The following BCAT1 variants were observed in gnomAD, a reference collection of about 807,000 sequenced individuals.
BCAT1 encodes branched chain amino acid transaminase 1.
BCAT1 carries 48 observed loss-of-function variants against 52.4 expected under a neutral mutation model. The ratio of observed to expected loss-of-function variants is 0.92; its 90% CI spans 0.73 to 1.16. The LOEUF (loss-of-function observed/expected upper bound fraction) is 1.16. Among genes scored for constraint, BCAT1 ranks in the 50% most tolerant of loss-of-function variants. The pLI is 0.00. For missense variants in BCAT1, 451 were observed against 457.1 expected (o/e 0.99, Z 0.12); for synonymous variants, 167 against 161.3 (o/e 1.04, Z -0.27).
intron 1 of BCAT1, among the ~76,000 whole-genome samples, chr12:24,937,460 G>A (rs1943777540): frequency 6.6e-6 from 1 of 152,198 alleles, no homozygotes; most frequent in South Asian, 2.1e-4. Context: ...ATAACAGGAA[G>A]AGGTTGAAGA....
intron 1 of BCAT1, among the ~76,000 whole-genome samples, chr12:24,940,384 A>G (rs2139759943): frequency 6.6e-6 from 1 of 152,314 alleles, no homozygotes; most frequent in East Asian, 1.9e-4. Flanking sequence ...AAGAACATTG[A>G]TCAAAAGGAG....
Position 24,816,408 on chromosome 12 carries a change from T to C in BCAT1, c.*1600A>G, listed in dbSNP as rs1233301158. The C allele has an allele frequency of 5.0e-6, 2 of 397,260 alleles. No individual in the cohort carries two copies. The highest frequency in any genetic ancestry group is 4.1e-5 in the African/African-American group (2 of 48,524). The allele number at this position is 397,260 out of a possible 1,614,324, so 24.6% of individuals were successfully genotyped here. A position where few individuals can be genotyped will look rare whatever the true frequency, so the allele number is the denominator to read the frequency against. On this transcript the variant is annotated 3_prime_UTR_variant, in exon 11 of 11. Coordinates refer to ENST00000261192, the MANE Select transcript of BCAT1 (RefSeq NM_005504.7). Reference sequence around the variant, plus strand: ...AGGAAAAATGTTTTCTGTCAAGATTTGACTTTCCTTAGATAAACCACAAAG... The same window carrying C: ...AGGAAAAATGTTTTCTGTCAAGATTCGACTTTCCTTAGATAAACCACAAAG...
In BCAT1 at chr12:24,836,539, C is replaced by T. The variant is rs948547077; in HGVS notation, c.875G>A (p.Arg292Gln). Residue 292 changes from arginine to glutamine, a missense_variant, in exon 8 of 11, where the codon CGG becomes CAG. Physicochemically the swap from Arg to Gln is conservative, Grantham distance 43 (BLOSUM62 1). Coordinates refer to ENST00000261192, the MANE Select transcript of BCAT1 (RefSeq NM_005504.7). Reference sequence around the variant, plus strand: ...CTGATGTGCCAGGTCCAGAATGCACCGCCTTGTCACTCCTGGAAGAATGAT... The same window carrying T: ...CTGATGTGCCAGGTCCAGAATGCACTGCCTTGTCACTCCTGGAAGAATGAT... ...DGIILPGVTR[R>Q]CILDLAHQWG... 16 of 1,612,944 alleles carry T rather than the reference C, an allele frequency of 9.9e-6. No homozygotes were observed. Among genetic ancestry groups the T allele is most frequent in the Admixed American group, 3.3e-5 (2 of 59,898 alleles).
At chr12:24,914,846 A>G (rs893269548) in intron 1 of BCAT1, among the ~76,000 whole-genome samples, 18 of 152,364 alleles carry the variant, frequency 1.2e-4, no homozygotes, top group African/African-American at 4.3e-4. Flanking sequence ...AGGAAACATT[A>G]GTTTGGAGAC....
At chr12:24,863,331 T>C (rs1376255635) in intron 5 of BCAT1, among the ~76,000 whole-genome samples, 1 of 152,224 alleles carries the variant, frequency 6.6e-6, no homozygotes, top group Non-Finnish European at 1.5e-5. Context: ...TAGCAAGTGT[T>C]ATTGTTTTTG....
chr12:24,894,599 A>C, intron 2 of BCAT1, 124 bp from the exon 3 acceptor site: 1 of 802,534 alleles, frequency 1.2e-6, no homozygotes, highest in Non-Finnish European at 1.9e-6. Flanking sequence ...TAACACAGAA[A>C]TTTAACACTC....
chr12:24,878,615 T>C lies in BCAT1; in HGVS notation c.425A>G (p.Gln142Arg). 4 of 1,609,394 alleles carry C rather than the reference T, an allele frequency of 2.5e-6. No homozygotes were observed. The highest frequency in any genetic ancestry group is 3.4e-6 in the Non-Finnish European group (4 of 1,176,210). Residue 142 changes from glutamine (Q) to arginine (R), a missense_variant, in exon 5 of 11, where the codon CAA (glutamine) becomes CGA (arginine). Gln to Arg is a conservative substitution (Grantham distance 43). Transcript: ENST00000261192. Reference protein sequence around the residue: ...FDKEELLECIQQLVKLDQEWV... With the variant: ...FDKEELLECIRQLVKLDQEWV... ...TTCTTGATCCAATTTCACAAGCTGTTGAATACACTCTAAGAGCTCTTCTTT... is the reference window on the plus strand; with the variant it reads ...TTCTTGATCCAATTTCACAAGCTGTCGAATACACTCTAAGAGCTCTTCTTT...
intron 10 of BCAT1, among the ~76,000 whole-genome samples, chr12:24,821,340 T>G (rs1940116200): frequency 6.6e-6 from 1 of 152,172 alleles, no homozygotes; most frequent in African/African-American, 2.4e-5. Context: ...GCTTCAGATG[T>G]CCATCTCTGG....
Position 24,812,202 on chromosome 12 carries a change from T to C in BCAT1, c.*5806A>G, listed in dbSNP as rs1033153805. The C allele has an allele frequency of 6.6e-6, 1 of 152,108 alleles. No homozygotes were observed. Among genetic ancestry groups the C allele is most frequent in the Non-Finnish European group, 1.5e-5 (1 of 67,948 alleles). The allele number at this position is 152,108 out of a possible 1,614,324, so 9.4% of individuals were successfully genotyped here. On this transcript the variant is annotated 3_prime_UTR_variant, in exon 11 of 11. Coordinates refer to ENST00000261192, the MANE Select transcript of BCAT1 (RefSeq NM_005504.7). ...GTTTAATGATCATAGGAAACTAGTT[T>C]GAGGAAACTGCAATGTGTTATTGCA... is the stretch of plus-strand genomic sequence containing the variant.
In BCAT1 at chr12:24,871,646, C is replaced by T. The variant is rs574930732; in HGVS notation, c.510+6884G>A. Among the ~76,000 whole-genome samples, 4 of 152,140 alleles carry T rather than the reference C, an allele frequency of 2.6e-5. No homozygotes were observed. The East Asian group carries it at 7.7e-4, about 29-fold the overall frequency. Reference sequence around the variant, plus strand: ...GAAGGGAATAAAACAAAGACAGGGACCTTATATGCCCCATGATGGAAGTAC... The same window carrying T: ...GAAGGGAATAAAACAAAGACAGGGATCTTATATGCCCCATGATGGAAGTAC... On this transcript the variant is annotated intron_variant, in intron 5 of 10. Coordinates refer to ENST00000261192, the MANE Select transcript of BCAT1 (RefSeq NM_005504.7).
chr12:24,827,546 C>A (rs1024811570), intron 10 of BCAT1, among the ~76,000 whole-genome samples: 19 of 152,338 alleles, frequency 1.2e-4, no homozygotes, highest in African/African-American at 4.3e-4. Context: ...AATCTCAGCA[C>A]TTTGGGAGGC....
chr12:24,899,354 G>T (rs903576274), intron 2 of BCAT1, among the ~76,000 whole-genome samples: 1 of 152,074 alleles, frequency 6.6e-6, no homozygotes, highest in African/African-American at 2.4e-5. Flanking sequence ...CAGTTAGAAT[G>T]GTTATTATTA....
intron 3 of BCAT1, among the ~76,000 whole-genome samples, chr12:24,891,340 T>A (rs1479834360): frequency 1.3e-5 from 2 of 152,070 alleles, no homozygotes; most frequent in African/African-American, 2.4e-5. Context: ...TATGAAGCAT[T>A]AGCATGCTAA....
intron 5 of BCAT1, among the ~76,000 whole-genome samples, chr12:24,854,886 T>A (rs1389097619): frequency 6.6e-6 from 1 of 151,986 alleles, no homozygotes; most frequent in Admixed American, 6.5e-5. Context: ...TCTCCTTACT[T>A]TAAGAGAGTT....
chr12:24,827,162 C>A (rs1940438786), intron 10 of BCAT1, among the ~76,000 whole-genome samples: 1 of 152,048 alleles, frequency 6.6e-6, no homozygotes, highest in Non-Finnish European at 1.5e-5. Context: ...GGCCTCTAAA[C>A]CTCTGTTTTG....
intron 7 of BCAT1, among the ~76,000 whole-genome samples, chr12:24,838,220 C>T (rs1941063291): frequency 6.6e-6 from 1 of 152,192 alleles, no homozygotes; most frequent in African/African-American, 2.4e-5. Flanking sequence ...ATCCTCAAAA[C>T]TGGGCATTGT....
At chr12:24,902,035 G>GC (rs2139680921) in intron 1 of BCAT1, 150 bp from the exon 2 acceptor site, 3 of 1,557,576 alleles carry the variant, frequency 1.9e-6, no homozygotes, top group Non-Finnish European at 2.6e-6. Flanking sequence ...AAGCACCCAG[G>GC]CCCGAACCTC....
In BCAT1 at chr12:24,901,873, C is replaced by A; in HGVS notation, c.19G>T (p.Gly7Ter). The change falls in exon 2 of 11, where the codon GGA becomes TGA. Residue 7 changes from glycine to a stop codon, truncating the protein, a stop_gained. Transcript: ENST00000261192. LOFTEE classifies it high-confidence loss of function. Reference sequence around the variant, plus strand: ...TCTCCGGTACACTCTGCGGAGCATCCGTTACTGCAATCCTTAAAGAAGAAT... The same window carrying A: ...TCTCCGGTACACTCTGCGGAGCATCAGTTACTGCAATCCTTAAAGAAGAAT... MKDCSN[G>*]CSAECTGEGG... 6.2e-7 allele frequency: 1 copy of A among 1,613,974 alleles called. No homozygotes were observed. The highest frequency in any genetic ancestry group is 8.5e-7 in the Non-Finnish European group (1 of 1,179,882).
chr12:24,947,326 T>C (rs1943946619), intron 1 of BCAT1, among the ~76,000 whole-genome samples: 1 of 152,208 alleles, frequency 6.6e-6, no homozygotes, highest in South Asian at 2.1e-4. Context: ...ACTCAGTGTA[T>C]ATCCTATGTT....
Sources: gnomAD v4.1 joint callset for allele counts (sites outside exome capture counted in the v4.1 genomes callset) on GRCh38, gnomAD v4.1.1 for gene constraint, MANE v1.5 for transcripts, NCBI Gene and HGNC (gene_info 2026-07-23, HGNC 2026-07-21) for gene names.